The following RBMS3 variants were observed in gnomAD, a reference collection of about 807,000 sequenced individuals.
The protein encoded by RBMS3 is RNA binding motif single stranded interacting protein 3.
A neutral mutation model predicts 66.8 loss-of-function variants in RBMS3; 27 were observed. That is an observed-to-expected ratio of 0.40 (90% CI 0.30 to 0.56). The LOEUF (loss-of-function observed/expected upper bound fraction) is 0.56. Ranked by LOEUF, RBMS3 falls within the 20% of genes least tolerant of loss-of-function variation. The probability of loss-of-function intolerance (pLI) is 0.40; values close to 1 mark genes in which losing one functional copy is unlikely to be tolerated. For missense variants in RBMS3, 513 were observed against 549.5 expected (o/e 0.93, Z 0.66); for synonymous variants, 188 against 183.0 (o/e 1.03, Z -0.22).
intron 6 of RBMS3, among the ~76,000 whole-genome samples, chr3:29,831,714 T>G (rs996068418): frequency 6.6e-6 from 1 of 152,090 alleles, no homozygotes; most frequent in East Asian, 1.9e-4. Flanking sequence ...TATAGGAGTT[T>G]TCTTCATAAT....
intron 3 of RBMS3, among the ~76,000 whole-genome samples, chr3:29,558,540 A>C (rs2046434400): frequency 6.6e-6 from 1 of 152,212 alleles, no homozygotes; most frequent in Non-Finnish European, 1.5e-5. Context: ...TGTAACACTA[A>C]ATTTCAAAGA....
chr3:29,650,241 A>G (rs1461806665), intron 4 of RBMS3, among the ~76,000 whole-genome samples: 2 of 151,518 alleles, frequency 1.3e-5, no homozygotes, highest in Non-Finnish European at 2.9e-5. Context: ...TGCCTAGGCA[A>G]TCTTTTAAAC....
chr3:29,305,852 T>C (rs1303708233), intron 1 of RBMS3, among the ~76,000 whole-genome samples: 1 of 152,052 alleles, frequency 6.6e-6, no homozygotes, highest in Non-Finnish European at 1.5e-5. Context: ...GGAAAGTTTG[T>C]GCTTTATTTT....
intron 2 of RBMS3, among the ~76,000 whole-genome samples, chr3:29,454,407 C>T (rs960137095): frequency 6.6e-6 from 1 of 152,174 alleles, no homozygotes; most frequent in Non-Finnish European, 1.5e-5. Context: ...ATGTTGATTC[C>T]TGGGTAATTC....
At chr3:29,783,757 A>C (rs1310509833) in intron 6 of RBMS3, among the ~76,000 whole-genome samples, 1 of 152,182 alleles carries the variant, frequency 6.6e-6, no homozygotes, top group Non-Finnish European at 1.5e-5. Flanking sequence ...GAATGGCAGA[A>C]TGGATAAAGA....
chr3:29,479,653 C>G lies in RBMS3; in HGVS notation c.249-8788C>G, dbSNP rs188604595. The stretch of plus-strand genomic sequence containing the variant: ...AACATGGAATTTAGTTTTGAAGGAC[C>G]TGTATTATTTAGCAAGAAAAGGGGA... On this transcript the variant is annotated intron_variant, in intron 2 of 14. Transcript: ENST00000383767. Among the ~76,000 whole-genome samples, 16 of 152,228 alleles carry G rather than the reference C, an allele frequency of 1.1e-4. No homozygotes were observed. The East Asian group carries it at 3.1e-3, about 29-fold the overall frequency.
At chr3:29,635,640 T>C (rs1239359208) in intron 4 of RBMS3, among the ~76,000 whole-genome samples, 1 of 151,838 alleles carries the variant, frequency 6.6e-6, no homozygotes, top group East Asian at 1.9e-4. Context: ...TCACAGATCA[T>C]GGCCTTCTAC....
rs572117427 is a variant in RBMS3 at position 29,840,403 on chromosome 3, G to A, written c.638-28455G>A. On this transcript the variant is annotated intron_variant, in intron 6 of 14. Transcript: ENST00000383767. Reference sequence around the variant, plus strand: ...ACAAATGAAAGTATTTGTGAGAAGGGTGGGCTTATTTTACATTTTTGAAGA... The same window carrying A: ...ACAAATGAAAGTATTTGTGAGAAGGATGGGCTTATTTTACATTTTTGAAGA... Among the ~76,000 whole-genome samples the A allele has an allele frequency of 2.6e-4, 40 of 152,076 alleles. No homozygotes were observed. The East Asian group carries it at 7.0e-3, about 26-fold the overall frequency.
At chr3:29,791,147 A>G (rs1203264989) in intron 6 of RBMS3, among the ~76,000 whole-genome samples, 9 of 152,190 alleles carry the variant, frequency 5.9e-5, no homozygotes, top group Non-Finnish European at 1.2e-4. Flanking sequence ...TGTTTTTTAA[A>G]GAGGTTCTCA....
At chr3:29,949,043 T>C (rs182069636) in intron 12 of RBMS3, among the ~76,000 whole-genome samples, 288 of 151,814 alleles carry the variant, frequency 1.9e-3, no homozygotes, top group African/African-American at 6.7e-3. Flanking sequence ...GTTATTGTGT[T>C]CCTGCTGGTG....
chr3:29,791,571 GGAATAGATT>G (rs1347144928), intron 6 of RBMS3, among the ~76,000 whole-genome samples: 2 of 152,002 alleles, frequency 1.3e-5, no homozygotes, highest in Admixed American at 1.3e-4. Flanking sequence ...CAGTCTATAA[GGAATAGATT>G]TTACTGTTTA....
chr3:29,876,181 AG>A (rs1424153313), intron 7 of RBMS3, among the ~76,000 whole-genome samples: 3 of 152,130 alleles, frequency 2.0e-5, no homozygotes, highest in Non-Finnish European at 4.4e-5. Context: ...CCAGGTTTTC[AG>A]CTTATTCTAA....
chr3:29,502,503 T>C (rs1017106752), intron 3 of RBMS3, among the ~76,000 whole-genome samples: 43 of 152,060 alleles, frequency 2.8e-4, no homozygotes, highest in African/African-American at 9.9e-4. Flanking sequence ...GATAGAAACA[T>C]GTAGTAGTTC....
chr3:29,708,143 A>C (rs559154749), intron 4 of RBMS3, among the ~76,000 whole-genome samples: 16 of 152,300 alleles, frequency 1.1e-4, no homozygotes, highest in Admixed American at 2.6e-4. Flanking sequence ...ATTATTTAAC[A>C]CTTGACACTC....
intron 3 of RBMS3, among the ~76,000 whole-genome samples, chr3:29,523,996 C>A (rs1021847435): frequency 1.3e-5 from 2 of 152,116 alleles, no homozygotes; most frequent in Non-Finnish European, 2.9e-5. Flanking sequence ...CTCAGCCTCC[C>A]AAAAGTGCTG....
intron 4 of RBMS3, among the ~76,000 whole-genome samples, chr3:29,705,363 C>T (rs1366701869): frequency 6.6e-6 from 1 of 152,188 alleles, no homozygotes; most frequent in East Asian, 1.9e-4. Context: ...TTTACTTTCT[C>T]CTCCTTTCTT....
chr3:29,356,407 T>C (rs903961650), intron 1 of RBMS3, among the ~76,000 whole-genome samples: 1 of 152,202 alleles, frequency 6.6e-6, no homozygotes, highest in Non-Finnish European at 1.5e-5. Flanking sequence ...TAATAATGAA[T>C]ATTTTCTTAA....
intron 4 of RBMS3, among the ~76,000 whole-genome samples, chr3:29,621,397 A>T (rs955973888): frequency 2.0e-5 from 3 of 152,148 alleles, no homozygotes; most frequent in African/African-American, 7.2e-5. Flanking sequence ...CTTCAGAAAG[A>T]TGCTCAGTGA....
chr3:29,559,346 G>A (rs1230348177), intron 3 of RBMS3, among the ~76,000 whole-genome samples: 1 of 151,344 alleles, frequency 6.6e-6, no homozygotes, highest in East Asian at 1.9e-4. Flanking sequence ...CACCATAAAA[G>A]CATTCATCAC....
Sources: allele counts gnomAD v4.1 joint callset (sites outside exome capture counted in the v4.1 genomes callset), GRCh38; gene constraint gnomAD v4.1.1; transcripts MANE v1.5; gene names NCBI Gene and HGNC (gene_info 2026-07-23, HGNC 2026-07-21).